PPP1R21: variants seen among roughly 807,000 people sequenced by gnomAD.
PPP1R21 encodes protein phosphatase 1 regulatory subunit 21, also known as KLRAQ motif containing 1.
In PPP1R21, 85 loss-of-function variants were observed where a neutral mutation model predicts 112.8. That is an observed-to-expected ratio of 0.75 (90% CI 0.63 to 0.90). The LOEUF is 0.90. Ranked by LOEUF, PPP1R21 falls within the 40% of genes least tolerant of loss-of-function variation. PPP1R21 has a pLI of 0.00. For synonymous variants in PPP1R21, 381 were observed against 322.3 expected (o/e 1.18, Z -1.95); for missense variants, 1,199 against 901.5 (o/e 1.33, Z -4.23).
intron 2 of PPP1R21, among the ~76,000 whole-genome samples, chr2:48,453,506 T>C (rs1163516849): frequency 6.6e-6 from 1 of 152,214 alleles, no homozygotes; most frequent in African/African-American, 2.4e-5. Context: ...TCTTTAAATA[T>C]ACAGTATTAC....
intron 15 of PPP1R21, among the ~76,000 whole-genome samples, chr2:48,492,790 C>T (rs1485814933): frequency 6.6e-6 from 1 of 152,166 alleles, no homozygotes; most frequent in African/African-American, 2.4e-5. Context: ...CAAATTTTGG[C>T]ATGTTTTTCC....
At chr2:48,494,798 A>T (rs1280860636) in intron 15 of PPP1R21, among the ~76,000 whole-genome samples, 1 of 152,062 alleles carries the variant, frequency 6.6e-6, no homozygotes, top group East Asian at 1.9e-4. Context: ...GCTCACTGCA[A>T]CCTCTGCCTT....
intron 16 of PPP1R21, 66 bp downstream of exon 16, chr2:48,495,837 TTTTAAGA>T: frequency 1.1e-6 from 1 of 910,090 alleles, no homozygotes; most frequent in South Asian, 1.3e-5. Context: ...CATAGAAAGT[TTTTAAGA>T]TACGTAGAAT....
intron 21 of PPP1R21, among the ~76,000 whole-genome samples, chr2:48,513,818 T>A (rs1329378860): frequency 6.6e-6 from 1 of 152,170 alleles, no homozygotes; most frequent in Admixed American, 6.6e-5. Flanking sequence ...TACAGGAATT[T>A]AATTAAAATG....
rs375545465 is a variant in PPP1R21 at position 48,459,040 on chromosome 2, C to T, written c.376-714C>T. Reference sequence around the variant, plus strand: ...CCGGGAGGCGGAGCTTGCAGTGAGCCGAGATCAAGCCACAGCACTCTAGCC... The same window carrying T: ...CCGGGAGGCGGAGCTTGCAGTGAGCTGAGATCAAGCCACAGCACTCTAGCC... On this transcript the variant is annotated intron_variant, in intron 4 of 21. Coordinates refer to ENST00000294952, the MANE Select transcript of PPP1R21 (RefSeq NM_001135629.3). Among the ~76,000 whole-genome samples the T allele has an allele frequency of 1.8e-4, 26 of 144,164 alleles. No homozygotes were observed. In the East Asian group the frequency reaches 2.0e-3, roughly 11 times the overall value. The allele number at this position is 144,164 out of a possible 152,430, so 94.6% of individuals were successfully genotyped here.
chr2:48,471,122 C>T lies in PPP1R21; in HGVS notation c.933C>T (p.Val311=). ...ACCTTCATGAAAATGCGTCCTATGT[C>T]CGCCCTCTTGAGGAAGGAATGCTTC... is the stretch of plus-strand genomic sequence containing the variant. The part of the protein sequence containing the change: ...SQYLHENASY[V]RPLEEGMLHL... Residue 311 remains valine (V), a synonymous_variant, in exon 10 of 22, where the codon GTC becomes GTT. Transcript: ENST00000294952. 6.2e-7 allele frequency: 1 copy of T among 1,612,922 alleles called. No homozygotes were observed. Among genetic ancestry groups the T allele is most frequent in the South Asian group, 1.1e-5 (1 of 91,042 alleles).
chr2:48,471,974 TCACGCC>T (rs1668529358), intron 11 of PPP1R21, among the ~76,000 whole-genome samples: 1 of 152,120 alleles, frequency 6.6e-6, no homozygotes, highest in Non-Finnish European at 1.5e-5. Context: ...GCGCAGTGGC[TCACGCC>T]TGTAATCCCA....
At chr2:48,472,835 T>G (rs1405562788) in intron 11 of PPP1R21, among the ~76,000 whole-genome samples, 1 of 150,776 alleles carries the variant, frequency 6.6e-6, no homozygotes, top group Non-Finnish European at 1.5e-5. Flanking sequence ...CCTGTAGTCC[T>G]AGCTACTTAG....
At chr2:48,475,050 T>C (rs1022034705) in intron 12 of PPP1R21, among the ~76,000 whole-genome samples, 1 of 152,148 alleles carries the variant, frequency 6.6e-6, no homozygotes, top group Non-Finnish European at 1.5e-5. Flanking sequence ...TTGTGATTAT[T>C]GAGTTAAATT....
intron 14 of PPP1R21, among the ~76,000 whole-genome samples, chr2:48,489,872 C>T (rs565259664): frequency 2.6e-5 from 4 of 152,024 alleles, no homozygotes; most frequent in African/African-American, 9.6e-5. Context: ...GGTGAAACCC[C>T]GTCTCTACTA....
At position 48,498,634 on chromosome 2, in the gene PPP1R21, C is replaced by A; in HGVS notation, c.1834C>A (p.Leu612Met). The A allele has an allele frequency of 1.9e-6, 3 of 1,614,222 alleles. No homozygotes were observed. Among genetic ancestry groups the A allele is most frequent in the Non-Finnish European group, 2.5e-6 (3 of 1,180,044 alleles). Residue 612 changes from leucine (L) to methionine (M), a missense_variant, in exon 17 of 22, where the codon CTG (leucine) becomes ATG (methionine). Coordinates refer to ENST00000294952, the MANE Select transcript of PPP1R21 (RefSeq NM_001135629.3). Reference protein sequence around the residue: ...DKLKNTGSAQLVGLAQENAAV... With the variant: ...DKLKNTGSAQMVGLAQENAAV... ...GCTGAAGAATACAGGTAGTGCCCAGCTGGTTGGGCTGGCCCAGGAAAATGC... is the reference window on the plus strand; with the variant it reads ...GCTGAAGAATACAGGTAGTGCCCAGATGGTTGGGCTGGCCCAGGAAAATGC...
At chr2:48,493,943 C>T (rs540313384) in intron 15 of PPP1R21, among the ~76,000 whole-genome samples, 11 of 150,440 alleles carry the variant, frequency 7.3e-5, no homozygotes, top group African/African-American at 2.2e-4. Flanking sequence ...ATGTTGCAGC[C>T]GGGTGCAGTG....
chr2:48,448,282 T>A (rs551666176), intron 1 of PPP1R21, among the ~76,000 whole-genome samples: 13 of 152,198 alleles, frequency 8.5e-5, no homozygotes, highest in South Asian at 2.1e-4. Context: ...AAAATCCTAA[T>A]TTTTTTTGTT....
rs373193262 is a variant in PPP1R21 at position 48,474,706 on chromosome 2, C to T, written c.1112C>T (p.Ser371Phe). The change falls in exon 12 of 22, where the codon TCT becomes TTT. Residue 371 changes from serine to phenylalanine, a missense_variant. By Grantham distance (155) the Ser-to-Phe change is radical (BLOSUM62 -2). Transcript: ENST00000294952. ...LKSLEEECESSLCTSALRARN... is the reference protein window; with the variant it reads ...LKSLEEECESFLCTSALRARN... ...AGTTTAGAAGAAGAATGTGAATCCT[C>T]TCTTTGCACATCTGCGTTAAGAGCC... 57 of 1,609,774 alleles carry T rather than the reference C, an allele frequency of 3.5e-5. No individual in the cohort carries two copies. Among genetic ancestry groups the T allele is most frequent in the Admixed American group, 6.8e-5 (4 of 59,244 alleles).
rs1456785419 is a variant in PPP1R21 at position 48,451,875 on chromosome 2, C to T, written c.126+799C>T. Among the ~76,000 whole-genome samples, 4 of 152,150 alleles carry T rather than the reference C, an allele frequency of 2.6e-5. 1 individual carries two copies. The highest frequency in any genetic ancestry group is 2.6e-4 in the Admixed American group (4 of 15,282). On this transcript the variant is annotated intron_variant, in intron 2 of 21. Transcript: ENST00000294952. The stretch of plus-strand genomic sequence containing the variant: ...ATCAGTAATATGTCTGAGGTGGCTC[C>T]ACTTAGGCAACTAAGCCCCAGAAAT...
intron 1 of PPP1R21, among the ~76,000 whole-genome samples, chr2:48,443,557 G>T (rs573642880): frequency 1.3e-5 from 2 of 152,372 alleles, no homozygotes; most frequent in South Asian, 4.1e-4. Flanking sequence ...GGAGGAGGAA[G>T]AGATGCTAAG....
At chr2:48,486,191 C>G (rs1215650676) in intron 13 of PPP1R21, among the ~76,000 whole-genome samples, 1 of 151,920 alleles carries the variant, frequency 6.6e-6, no homozygotes, top group Admixed American at 6.6e-5. Context: ...TAGCTATAGC[C>G]CAGTAAGGAC....
chr2:48,508,397 A>T (rs192063912), intron 19 of PPP1R21, among the ~76,000 whole-genome samples: 167 of 152,322 alleles, frequency 1.1e-3, no homozygotes, highest in Middle Eastern at 6.8e-3. Context: ...GAAGAGGTTG[A>T]TAGGAGGCCA....
At chr2:48,499,027 G>T (rs1013204398) in intron 17 of PPP1R21, among the ~76,000 whole-genome samples, 2 of 151,472 alleles carry the variant, frequency 1.3e-5, no homozygotes, top group African/African-American at 4.9e-5. Flanking sequence ...AGCTCTCTGG[G>T]GTCTCTTTTG....
Sources: gnomAD v4.1 joint callset for allele counts (sites outside exome capture counted in the v4.1 genomes callset) on GRCh38, gnomAD v4.1.1 for gene constraint, MANE v1.5 for transcripts, NCBI Gene and HGNC (gene_info 2026-07-23, HGNC 2026-07-21) for gene names.